The following KLHL32 variants were observed in gnomAD, a reference collection of about 807,000 sequenced individuals.
The protein encoded by KLHL32 is kelch like family member 32.
Under a neutral mutation model 64.8 loss-of-function variants are expected in KLHL32, and 35 were observed. The observed-to-expected ratio is 0.54, with a 90% CI of 0.41 to 0.72. The LOEUF is 0.72. KLHL32 is among the 30% of genes least tolerant of loss of function. The probability of loss-of-function intolerance (pLI) is 0.00; values close to 1 mark genes in which losing one functional copy is unlikely to be tolerated. For missense variants in KLHL32, 589 were observed against 768.5 expected (o/e 0.77, Z 2.76); for synonymous variants, 259 against 281.0 (o/e 0.92, Z 0.78).
At chr6:96,972,966 A>G (rs35016223) in intron 2 of KLHL32, among the ~76,000 whole-genome samples, 19,686 of 152,216 alleles carry the variant, frequency 0.13, 1,563 homozygotes, top group East Asian at 0.26. Context: ...ACAAATTTAC[A>G]TCCAAGAGTT....
chr6:97,013,688 A>G (rs1285461915), intron 3 of KLHL32, among the ~76,000 whole-genome samples: 1 of 152,218 alleles, frequency 6.6e-6, no homozygotes, highest in African/African-American at 2.4e-5. Context: ...CAATCTTTTG[A>G]TATAAGTTCC....
At chr6:97,000,253 A>C (rs188067230) in intron 3 of KLHL32, among the ~76,000 whole-genome samples, 1 of 152,292 alleles carries the variant, frequency 6.6e-6, no homozygotes, top group Non-Finnish European at 1.5e-5. Context: ...GTGTTATATA[A>C]AACTATTAAT....
intron 5 of KLHL32, among the ~76,000 whole-genome samples, chr6:97,067,154 G>A (rs562235716): frequency 5.3e-5 from 8 of 152,194 alleles, no homozygotes; most frequent in South Asian, 2.1e-4. Flanking sequence ...AAGGGAAACC[G>A]TTGGTGGAAG....
At chr6:97,086,472 C>T (rs1221610488) in intron 6 of KLHL32, among the ~76,000 whole-genome samples, 1 of 152,146 alleles carries the variant, frequency 6.6e-6, no homozygotes, top group Non-Finnish European at 1.5e-5. Context: ...TCTCTGCAAA[C>T]TTATTGACAG....
chr6:97,051,336 G>T (rs1321362001), intron 4 of KLHL32, among the ~76,000 whole-genome samples: 1 of 152,116 alleles, frequency 6.6e-6, no homozygotes, highest in African/African-American at 2.4e-5. Flanking sequence ...CCAGTATTGG[G>T]AATAGAAAAA....
chr6:97,041,959 A>T (rs1463571063), intron 4 of KLHL32, among the ~76,000 whole-genome samples: 1 of 152,216 alleles, frequency 6.6e-6, no homozygotes, highest in Non-Finnish European at 1.5e-5. Context: ...AAAACAAGAC[A>T]AAAAATTTAG....
At chr6:97,046,575 G>T (rs747034319) in intron 4 of KLHL32, among the ~76,000 whole-genome samples, 13 of 152,150 alleles carry the variant, frequency 8.5e-5, no homozygotes, top group Admixed American at 1.3e-4. Context: ...AGTAGAAGTT[G>T]ATACCTCTAC....
At chr6:97,102,714 A>T (rs1795883030) in intron 6 of KLHL32, among the ~76,000 whole-genome samples, 1 of 152,088 alleles carries the variant, frequency 6.6e-6, no homozygotes, top group Non-Finnish European at 1.5e-5. Context: ...GGAGACCAAG[A>T]ATGGGTTTCA....
chr6:96,955,958 A>G (rs1342556998), intron 1 of KLHL32, among the ~76,000 whole-genome samples: 2 of 152,260 alleles, frequency 1.3e-5, no homozygotes, highest in East Asian at 3.9e-4. Context: ...ACAACAAAAA[A>G]TATACCCAAG....
rs2128226732 is a variant in KLHL32 at position 97,139,172 on chromosome 6, C to T, written c.1753C>T (p.Leu585Phe). The change falls in exon 11 of 11, where the codon CTC (leucine) becomes TTC (phenylalanine). Residue 585 changes from leucine to phenylalanine, a missense_variant. Transcript: ENST00000369261. Reference protein sequence around the residue: ...GKEEVFYGPTLPFASNGIAAC... With the variant: ...GKEEVFYGPTFPFASNGIAAC... ...AGAAGAAGTATTCTATGGGCCTACA[C>T]TCCCTTTTGCTTCCAATGGAATAGC... is the stretch of plus-strand genomic sequence containing the variant. 1 of 1,614,088 alleles carries T rather than the reference C, an allele frequency of 6.2e-7. No homozygotes were observed. The highest frequency in any genetic ancestry group is 8.5e-7 in the Non-Finnish European group (1 of 1,179,938).
Position 97,000,970 on chromosome 6 carries a change from C to G in KLHL32, c.204+24793C>G, listed in dbSNP as rs138584945. ...TCTATGAATCCAACTATATGACATT[C>G]TGGAAAAGGCAAAACTATGGAGACA... is the stretch of plus-strand genomic sequence containing the variant. On this transcript the variant is annotated intron_variant, in intron 3 of 10. Coordinates refer to ENST00000369261, the MANE Select transcript of KLHL32 (RefSeq NM_052904.4). Among the ~76,000 whole-genome samples the G allele has an allele frequency of 9.8e-4, 149 of 152,224 alleles. 1 individual carries two copies. The highest frequency in any genetic ancestry group is 3.5e-3 in the African/African-American group (145 of 41,536).
intron 10 of KLHL32, among the ~76,000 whole-genome samples, chr6:97,136,256 T>G (rs1237629988): frequency 7.9e-5 from 12 of 152,234 alleles, no homozygotes; most frequent in African/African-American, 2.9e-4. Flanking sequence ...TTCTGGACCC[T>G]AATCCAAGCT....
chr6:96,980,376 G>A (rs1030721502), intron 3 of KLHL32, among the ~76,000 whole-genome samples: 2 of 152,178 alleles, frequency 1.3e-5, no homozygotes, highest in African/African-American at 4.8e-5. Context: ...ATGAAGGGAA[G>A]TTGATTTTTA....
the KLHL32 span, among the ~76,000 whole-genome samples, chr6:96,899,434 A>G: frequency 6.6e-6 from 1 of 152,334 alleles, no homozygotes; most frequent in East Asian, 1.9e-4. Context: ...AAAAGTGAAA[A>G]TCTCATTTTC....
intron 4 of KLHL32, among the ~76,000 whole-genome samples, chr6:97,060,825 A>C (rs1438147174): frequency 6.6e-6 from 1 of 152,102 alleles, no homozygotes. Context: ...TGGGTTTTAC[A>C]CTATTACTTT....
intron 1 of KLHL32, among the ~76,000 whole-genome samples, chr6:96,947,307 G>C (rs924709549): frequency 1.4e-4 from 21 of 152,042 alleles, no homozygotes; most frequent in African/African-American, 4.8e-4. Flanking sequence ...TGAGTTCTCT[G>C]AACCTCCTCT....
chr6:97,135,053 T>C (rs1356121157), intron 10 of KLHL32, among the ~76,000 whole-genome samples: 1 of 152,172 alleles, frequency 6.6e-6, no homozygotes, highest in Non-Finnish European at 1.5e-5. Flanking sequence ...TCCTCAGGAT[T>C]ATGGTGATTA....
At chr6:97,126,060 A>AC (rs1798842209) in intron 7 of KLHL32, among the ~76,000 whole-genome samples, 1 of 152,178 alleles carries the variant, frequency 6.6e-6, no homozygotes, top group South Asian at 2.1e-4. Context: ...GGGGAATGTT[A>AC]AGGCCCTCTT....
chr6:97,041,516 G>A lies in KLHL32; in HGVS notation c.229G>A (p.Glu77Lys). The change falls in exon 4 of 11, where the codon GAA becomes AAA. Residue 77 changes from glutamate to lysine, a missense_variant. Glu to Lys is a moderately conservative substitution (Grantham distance 56). Around this residue, in one of 3 missense-constraint regions of KLHL32, gnomAD observed 191 missense variants for 223.3 expected, o/e 0.86. Transcript: ENST00000369261. ...GGCAATGTTCAGTCTTTGTATGGTGGAAAGTGGAGCTGATGAGGTTAATTT... is the reference window on the plus strand; with the variant it reads ...GGCAATGTTCAGTCTTTGTATGGTGAAAAGTGGAGCTGATGAGGTTAATTT... Reference protein sequence around the residue: ...FRAMFSLCMVESGADEVNLHG... With the variant: ...FRAMFSLCMVKSGADEVNLHG... 3.1e-6 allele frequency: 5 copies of A among 1,613,706 alleles called. No individual in the cohort carries two copies. Among genetic ancestry groups the A allele is most frequent in the Non-Finnish European group, 3.4e-6 (4 of 1,179,670 alleles).
Sources: allele counts gnomAD v4.1 joint callset (sites outside exome capture counted in the v4.1 genomes callset), GRCh38; gene constraint gnomAD v4.1.1; regional missense constraint gnomAD v4.1.1; transcripts MANE v1.5; gene names NCBI Gene and HGNC (gene_info 2026-07-23, HGNC 2026-07-21).